LCAT: variants seen among roughly 807,000 people sequenced by gnomAD.
LCAT encodes lecithin-cholesterol acyltransferase.
LCAT carries 15 observed loss-of-function variants against 41.0 expected under a neutral mutation model. The ratio of observed to expected loss-of-function variants is 0.37; its 90% CI spans 0.24 to 0.56. The LOEUF is 0.56. Ranked by LOEUF, LCAT falls within the 20% of genes least tolerant of loss-of-function variation. The probability of loss-of-function intolerance (pLI) is 0.81; values close to 1 mark genes in which losing one functional copy is unlikely to be tolerated. For missense variants in LCAT, 449 were observed against 595.1 expected (o/e 0.75, Z 2.55); for synonymous variants, 248 against 245.4 (o/e 1.01, Z -0.10).
Position 67,943,771 on chromosome 16 carries a change from G to C in LCAT, c.154+177C>G. ...ACAACTGAGAGTCACAGTGTGGTGG[G>C]AGAAGGGACGTCATTCCTCTAAGGG... On this transcript the variant is annotated intron_variant, in intron 1 of 5. Transcript: ENST00000264005. This position sits in a 1 kb window ranked among gnomAD's most constrained non-coding sequence, Gnocchi z 4.6. 1 of 630,622 alleles carries C rather than the reference G, an allele frequency of 1.6e-6. No individual in the cohort carries two copies. Among genetic ancestry groups the C allele is most frequent in the Non-Finnish European group, 2.7e-6 (1 of 369,388 alleles). The allele number at this position is 630,622 out of a possible 1,614,324, so 39.1% of individuals were successfully genotyped here.
chr16:67,940,696 A>G (rs748784674), intron 5 of LCAT: 6 of 774,600 alleles, frequency 7.7e-6, no homozygotes, highest in Non-Finnish European at 1.2e-5. Flanking sequence ...GTGGAGCTGT[A>G]GGGCTTCAAA....
At position 67,943,488 on chromosome 16, in the gene LCAT, C is replaced by A; in HGVS notation, c.155-276G>T. 1.9e-6 allele frequency: 1 copy of A among 540,378 alleles called. No individual in the cohort carries two copies. The highest frequency in any genetic ancestry group is 3.4e-6 in the Non-Finnish European group (1 of 298,336). The allele number at this position is 540,378 out of a possible 1,614,324, so 33.5% of individuals were successfully genotyped here. The stretch of plus-strand genomic sequence containing the variant: ...CAGAGCAAACACCCAGTCTGGCGCT[C>A]CTTTATTGCCAAAGTCCAAGGTGGG... On this transcript the variant is annotated intron_variant, in intron 1 of 5. Transcript: ENST00000264005. This position sits in a 1 kb window ranked among gnomAD's most constrained non-coding sequence, Gnocchi z 4.6.
chr16:67,943,472 C>A lies in LCAT; in HGVS notation c.155-260G>T. On this transcript the variant is annotated intron_variant, in intron 1 of 5. Coordinates refer to ENST00000264005, the MANE Select transcript of LCAT (RefSeq NM_000229.2). The surrounding 1 kb of genome is among the most constrained non-coding windows in gnomAD (Gnocchi z 4.6). ...CTGACCCCTGCCTCTGCAGAGCAAA[C>A]ACCCAGTCTGGCGCTCCTTTATTGC... The A allele has an allele frequency of 1.8e-6, 1 of 556,884 alleles. No homozygotes were observed. The allele number at this position is 556,884 out of a possible 1,614,324, so 34.5% of individuals were successfully genotyped here.
Position 67,940,258 on chromosome 16 carries a change from G to A in LCAT, c.969C>T (p.Asp323=). The A allele has an allele frequency of 6.2e-7, 1 of 1,613,880 alleles. No homozygotes were observed. Among genetic ancestry groups the A allele is most frequent in the African/African-American group, 1.3e-5 (1 of 75,056 alleles). ...EGWYMWLQSR[D]LLAGLPAPGV... ...CAGGTGCTGGGAGTCCTGCCAGGAG[G>A]TCACGTGACTGCAGCCACATGTACC... The change falls in exon 6 of 6, where the codon GAC becomes GAT. Residue 323 remains aspartate (D), a synonymous_variant. Coordinates refer to ENST00000264005, the MANE Select transcript of LCAT (RefSeq NM_000229.2).
Position 67,943,134 on chromosome 16 carries a change from G to A in LCAT, c.233C>T (p.Thr78Ile), listed in dbSNP as rs780912694. ...DVVNWMCYRK[T>I]EDFFTIWLDL... ...CAGCCAGATGGTGAAGAAGTCCTCT[G>A]TCTTGCGGTAGCACATCCAGTTCAC... Residue 78 changes from threonine to isoleucine, a missense_variant, in exon 2 of 6, where the codon ACA becomes ATA. Physicochemically the swap from Thr to Ile is moderately conservative, Grantham distance 89. Coordinates refer to ENST00000264005, the MANE Select transcript of LCAT (RefSeq NM_000229.2). This position sits in a 1 kb window ranked among gnomAD's most constrained non-coding sequence, Gnocchi z 4.6. 6.2e-7 allele frequency: 1 copy of A among 1,614,010 alleles called. No homozygotes were observed. The highest frequency in any genetic ancestry group is 1.1e-5 in the South Asian group (1 of 91,082).
chr16:67,941,481 T>G, intron 5 of LCAT: 1 of 221,106 alleles, frequency 4.5e-6, no homozygotes, highest in Non-Finnish European at 7.6e-6. Flanking sequence ...ATAAATTAGG[T>G]GTGGTGTTGT....
chr16:67,940,248 C>G lies in LCAT; in HGVS notation c.979G>C (p.Gly327Arg), dbSNP rs2058285162. 1 of 1,613,684 alleles carries G rather than the reference C, an allele frequency of 6.2e-7. No individual in the cohort carries two copies. Among genetic ancestry groups the G allele is most frequent in the African/African-American group, 1.3e-5 (1 of 74,932 alleles). ...ACTTCCACACCAGGTGCTGGGAGTC[C>G]TGCCAGGAGGTCACGTGACTGCAGC... is the stretch of plus-strand genomic sequence containing the variant. ...MWLQSRDLLA[G>R]LPAPGVEVYC... The change falls in exon 6 of 6, where the codon GGA becomes CGA. Residue 327 changes from glycine to arginine, a missense_variant. Physicochemically the swap from Gly to Arg is moderately radical, Grantham distance 125 (BLOSUM62 -2). Transcript: ENST00000264005.
chr16:67,941,684 G>A (rs2058291574), intron 5 of LCAT: 1 of 995,240 alleles, frequency 1.0e-6, no homozygotes, highest in Non-Finnish European at 1.2e-6. Flanking sequence ...GTGAGGCCCA[G>A]GATGTGTGGG....
At chr16:67,940,649 C>T (rs2058286894) in intron 5 of LCAT, 171 bp from the exon 6 acceptor site, 1 of 1,174,022 alleles carries the variant, frequency 8.5e-7, no homozygotes, top group Non-Finnish European at 1.2e-6. Context: ...TCAGTGTCAG[C>T]TTACTCAATG....
In LCAT at chr16:67,943,870, C is replaced by T. The variant is rs1268832278; in HGVS notation, c.154+78G>A. 3 of 1,376,518 alleles carry T rather than the reference C, an allele frequency of 2.2e-6. No individual in the cohort carries two copies. The highest frequency in any genetic ancestry group is 3.0e-6 in the Non-Finnish European group (3 of 1,015,564). The allele number at this position is 1,376,518 out of a possible 1,614,324, so 85.3% of individuals were successfully genotyped here. On this transcript the variant is annotated intron_variant, in intron 1 of 5. Transcript: ENST00000264005. This position sits in a 1 kb window ranked among gnomAD's most constrained non-coding sequence, Gnocchi z 4.6. Reference sequence around the variant, plus strand: ...CTTATGCAGGGCAGAAGGGCTTTGGCCAGGTCAGCTGCCAGGGGCTGGGGC... The same window carrying T: ...CTTATGCAGGGCAGAAGGGCTTTGGTCAGGTCAGCTGCCAGGGGCTGGGGC...
Position 67,943,205 on chromosome 16 carries a change from G to C in LCAT, c.162C>G (p.Gly54=), listed in dbSNP as rs1416027687. The C allele has an allele frequency of 6.2e-7, 1 of 1,613,000 alleles. No individual in the cohort carries two copies. The highest frequency in any genetic ancestry group is 2.2e-5 in the East Asian group (1 of 44,870). ...TGGCTTCTAGCTGATTCCCCAGGCAGCCGGGCACTGTGAGCAGCAGCCCTC... is the reference window on the plus strand; with the variant it reads ...TGGCTTCTAGCTGATTCCCCAGGCACCCGGGCACTGTGAGCAGCAGCCCTC... ...NHTRPVILVP[G]CLGNQLEAKL... Residue 54 remains glycine (G), a synonymous_variant, in exon 2 of 6, where the codon GGC becomes GGG. Transcript: ENST00000264005. The surrounding 1 kb of genome is among the most constrained non-coding windows in gnomAD (Gnocchi z 4.6).
In LCAT at chr16:67,940,341, T is replaced by C; in HGVS notation, c.886A>G (p.Asn296Asp). ...DHVFISTPSF[N>D]YTGRDFQRFF... ...CGTTGGAAGTCACGGCCTGTGTAGT[T>C]GAAGCTGGGTGTGGAAATGAACACG... The change falls in exon 6 of 6, where the codon AAC (asparagine) becomes GAC (aspartate). Residue 296 changes from asparagine to aspartate, a missense_variant. Coordinates refer to ENST00000264005, the MANE Select transcript of LCAT (RefSeq NM_000229.2). 6.2e-7 allele frequency: 1 copy of C among 1,614,116 alleles called. No homozygotes were observed. The highest frequency in any genetic ancestry group is 1.1e-5 in the South Asian group (1 of 91,088).
Position 67,940,423 on chromosome 16 carries a change from G to A in LCAT, c.804C>T (p.Arg268=). The change falls in exon 6 of 6, where the codon CGC becomes CGT. Residue 268 remains arginine, a synonymous_variant. Coordinates refer to ENST00000264005, the MANE Select transcript of LCAT (RefSeq NM_000229.2). ...ACATCCAGGGGGAGGTGGTGGTTATGCGCTGCTCCTCTTTCAGCTTGATGC... is the reference window on the plus strand; with the variant it reads ...ACATCCAGGGGGAGGTGGTGGTTATACGCTGCTCCTCTTTCAGCTTGATGC... ...MSSIKLKEEQ[R]ITTTSPWMFP... The A allele has an allele frequency of 6.2e-7, 1 of 1,614,164 alleles. No homozygotes were observed. Among genetic ancestry groups the A allele is most frequent in the Non-Finnish European group, 8.5e-7 (1 of 1,180,042 alleles).
chr16:67,944,030 G>A lies in LCAT; in HGVS notation c.72C>T (p.Pro24=), dbSNP rs766869301. Residue 24 remains proline (P), a synonymous_variant, in exon 1 of 6, where the codon CCC becomes CCT. Coordinates refer to ENST00000264005, the MANE Select transcript of LCAT (RefSeq NM_000229.2). This position sits in a 1 kb window ranked among gnomAD's most constrained non-coding sequence, Gnocchi z 6.6. ...GGAAGAGCACATTGAGGAGCCAGAA[G>A]GGGGCGGCAGGAGGGAGCAGCAGCC... The part of the protein sequence containing the change: ...LLGLLLPPAA[P]FWLLNVLFPP... The A allele has an allele frequency of 6.5e-6, 10 of 1,547,838 alleles. No individual in the cohort carries two copies. The highest frequency in any genetic ancestry group is 8.7e-6 in the Non-Finnish European group (10 of 1,145,756).
rs996087507 is a variant in LCAT, at chr16:67,943,846, T to A, written c.154+102A>T. The A allele has an allele frequency of 4.3e-6, 5 of 1,155,840 alleles. No homozygotes were observed. The African/African-American group carries it at 4.7e-5, about 11-fold the overall frequency. 71.6% of individuals were successfully genotyped at this position (1,155,840 alleles called of 1,614,324 possible). ...CCAGGGCAGGTACTTATGTCGGGGC[T>A]TATGCAGGGCAGAAGGGCTTTGGCC... On this transcript the variant is annotated intron_variant, in intron 1 of 5. Transcript: ENST00000264005. The surrounding 1 kb of genome is among the most constrained non-coding windows in gnomAD (Gnocchi z 4.6).
intron 5 of LCAT, 118 bp from the exon 6 acceptor site, chr16:67,940,596 ACT>A (rs1387500328): frequency 7.4e-6 from 11 of 1,489,122 alleles, no homozygotes; most frequent in Non-Finnish European, 9.0e-6. Context: ...CTAGACACAG[ACT>A]CTAAGCCACA....
chr16:67,941,595 C>T (rs1231675025), intron 5 of LCAT: 19 of 977,962 alleles, frequency 1.9e-5, no homozygotes, highest in African/African-American at 3.5e-5. Context: ...CCAGCCTGGG[C>T]GACAGAATGA....
chr16:67,942,883 G>A lies in LCAT; in HGVS notation c.405C>T (p.Tyr135=). The stretch of plus-strand genomic sequence containing the variant: ...AACCTGCCAGCTTGCTGCTGTCCAG[G>A]TACTCCACAGAGTAGGTCTTGCCAA... ...PGFGKTYSVE[Y]LDSSKLAGYL... Residue 135 remains tyrosine (Y), a synonymous_variant, in exon 3 of 6, where the codon TAC becomes TAT. Transcript: ENST00000264005. This position sits in a 1 kb window ranked among gnomAD's most constrained non-coding sequence, Gnocchi z 6.6. 2 of 1,613,746 alleles carry A rather than the reference G, an allele frequency of 1.2e-6. No homozygotes were observed. The highest frequency in any genetic ancestry group is 1.7e-6 in the Non-Finnish European group (2 of 1,179,978).
In LCAT at chr16:67,940,352, G is replaced by A; in HGVS notation, c.875C>T (p.Thr292Ile). Residue 292 changes from threonine to isoleucine, a missense_variant, in exon 6 of 6, where the codon ACA becomes ATA. By Grantham distance (89) the Thr-to-Ile change is moderately conservative (BLOSUM62 -1). Transcript: ENST00000264005. ...AWPEDHVFIS[T>I]PSFNYTGRDF... ...ACGGCCTGTGTAGTTGAAGCTGGGT[G>A]TGGAAATGAACACGTGGTCCTCAGG... 1 of 1,614,184 alleles carries A rather than the reference G, an allele frequency of 6.2e-7. No homozygotes were observed. The highest frequency in any genetic ancestry group is 2.2e-5 in the East Asian group (1 of 44,874).
Sources: gnomAD v4.1 joint callset for allele counts on GRCh38, gnomAD v4.1.1 for gene constraint, Gnocchi (gnomAD v3.1) non-coding constraint, MANE v1.5 for transcripts, NCBI Gene and HGNC (gene_info 2026-07-23, HGNC 2026-07-21) for gene names.